ADAMTS17: variants seen among roughly 807,000 people sequenced by gnomAD.
ADAMTS17 encodes the protein A disintegrin and metalloproteinase with thrombospondin motifs 17.
Under a neutral mutation model 141.5 loss-of-function variants are expected in ADAMTS17, and 113 were observed. The observed-to-expected ratio is 0.80, with a 90% CI of 0.69 to 0.93. The LOEUF is 0.93. Among genes scored for constraint, ADAMTS17 ranks in the 40% least tolerant of loss-of-function variants. The pLI is 0.00. For missense variants in ADAMTS17, 1,659 were observed against 1,517.9 expected (o/e 1.09, Z -1.54); for synonymous variants, 768 against 630.6 (o/e 1.22, Z -3.27).
intron 7 of ADAMTS17, among the ~76,000 whole-genome samples, chr15:100,223,157 A>T (rs2042187080): frequency 6.6e-6 from 1 of 152,174 alleles, no homozygotes; most frequent in South Asian, 2.1e-4. Context: ...GCATCAGGGG[A>T]GGGAGACAAA....
chr15:100,125,063 G>C (rs1319273451), intron 12 of ADAMTS17, among the ~76,000 whole-genome samples: 1 of 152,220 alleles, frequency 6.6e-6, no homozygotes, highest in African/African-American at 2.4e-5. Context: ...AGTCACAACA[G>C]CAGTTCGGAC....
At chr15:100,231,015 T>C (rs1319204141) in intron 7 of ADAMTS17, among the ~76,000 whole-genome samples, 3 of 152,176 alleles carry the variant, frequency 2.0e-5, no homozygotes, top group African/African-American at 7.2e-5. Context: ...GAGAACTCTG[T>C]TGGCACCAAA....
intron 10 of ADAMTS17, among the ~76,000 whole-genome samples, chr15:100,140,286 G>A (rs1336065943): frequency 6.6e-6 from 1 of 152,154 alleles, no homozygotes; most frequent in Non-Finnish European, 1.5e-5. Flanking sequence ...ATGAGCCACT[G>A]TGCCTGGCCG....
At chr15:100,234,659 A>T (rs34948511) in intron 7 of ADAMTS17, among the ~76,000 whole-genome samples, 21,161 of 152,152 alleles carry the variant, frequency 0.14, 1,569 homozygotes, top group African/African-American at 0.16. Flanking sequence ...ATCTCAAAAC[A>T]TATGTTTACC....
intron 13 of ADAMTS17, 52 bp downstream of exon 13, chr15:100,116,795 T>C: frequency 6.2e-7 from 1 of 1,613,020 alleles, no homozygotes; most frequent in Non-Finnish European, 8.5e-7. Context: ...GTTTTTATAT[T>C]CTTAGGGGAG....
intron 7 of ADAMTS17, among the ~76,000 whole-genome samples, chr15:100,230,670 C>T (rs2042452409): frequency 6.6e-6 from 1 of 152,200 alleles, no homozygotes; most frequent in African/African-American, 2.4e-5. Context: ...CGGGTTTGAT[C>T]ACTCAGCAAA....
intron 3 of ADAMTS17, among the ~76,000 whole-genome samples, chr15:100,293,798 T>C (rs1417264306): frequency 6.6e-6 from 1 of 152,226 alleles, no homozygotes; most frequent in East Asian, 1.9e-4. Flanking sequence ...TGGTTTACAG[T>C]AGTAATTCAA....
intron 6 of ADAMTS17, among the ~76,000 whole-genome samples, chr15:100,255,720 C>T (rs1022435589): frequency 5.3e-5 from 8 of 151,820 alleles, no homozygotes; most frequent in Non-Finnish European, 1.2e-4. Context: ...ATCATCTAAG[C>T]TGGGCAAAGG....
In ADAMTS17 at chr15:99,997,309, C is replaced by A; in HGVS notation, c.2796+76G>T. The A allele has an allele frequency of 1.9e-6, 3 of 1,557,482 alleles. No individual in the cohort carries two copies. Among genetic ancestry groups the A allele is most frequent in the Non-Finnish European group, 2.6e-6 (3 of 1,132,512 alleles). On this transcript the variant is annotated intron_variant, in intron 19 of 21. Coordinates refer to ENST00000268070, the MANE Select transcript of ADAMTS17 (RefSeq NM_139057.4). The surrounding 1 kb of genome is among the most constrained non-coding windows in gnomAD (Gnocchi z 4.7). ...GGGGGCGAGCGAGGGCTGGGAGGCA[C>A]CAGAATGTCACCAATACCATGGCAC... is the stretch of plus-strand genomic sequence containing the variant.
intron 7 of ADAMTS17, among the ~76,000 whole-genome samples, chr15:100,201,544 C>T (rs770183161): frequency 5.3e-5 from 8 of 152,338 alleles, no homozygotes; most frequent in East Asian, 1.9e-4. Flanking sequence ...CTCCAAAAGG[C>T]GCAGAGGAAG....
chr15:99,976,390 C>T (rs768665362), intron 20 of ADAMTS17, 168 bp from the exon 21 acceptor site: 15 of 880,190 alleles, frequency 1.7e-5, no homozygotes, highest in African/African-American at 3.3e-5. Context: ...ACAGGACAGC[C>T]TGAGTGGGGC....
intron 8 of ADAMTS17, among the ~76,000 whole-genome samples, chr15:100,179,897 T>C (rs2040466854): frequency 1.3e-5 from 2 of 152,240 alleles, no homozygotes; most frequent in South Asian, 4.1e-4. Flanking sequence ...CTAAGAGTTG[T>C]TTGAGCTCCT....
At chr15:100,253,902 G>A (rs1055935241) in intron 7 of ADAMTS17, among the ~76,000 whole-genome samples, 3 of 152,004 alleles carry the variant, frequency 2.0e-5, no homozygotes, top group Admixed American at 6.6e-5. Context: ...TCCCCTTGGT[G>A]TCACTCTTCA....
intron 15 of ADAMTS17, among the ~76,000 whole-genome samples, chr15:100,092,093 C>G (rs747270775): frequency 6.6e-6 from 1 of 152,144 alleles, no homozygotes; most frequent in Non-Finnish European, 1.5e-5. Context: ...AAGGTGCCAG[C>G]GAAGGCTAAA....
chr15:100,095,697 T>C (rs2141015016), intron 15 of ADAMTS17, among the ~76,000 whole-genome samples: 1 of 152,250 alleles, frequency 6.6e-6, no homozygotes, highest in South Asian at 2.1e-4. Flanking sequence ...TTCTTAAACA[T>C]TGTCCTCCAG....
Position 100,331,001 on chromosome 15 carries a change from G to A in ADAMTS17, c.504C>T (p.Asn168=). The A allele has an allele frequency of 1.2e-6, 2 of 1,614,166 alleles. No homozygotes were observed. The highest frequency in any genetic ancestry group is 2.2e-5 in the South Asian group (2 of 91,076). ...CTCGTCCACTGAATGGGCCCTGGGAGTTGTTGAGGGGCTGGATTAGCACCT... is the reference window on the plus strand; with the variant it reads ...CTCGTCCACTGAATGGGCCCTGGGAATTGTTGAGGGGCTGGATTAGCACCT... ...QEQVLIQPLN[N]SQGPFSGREH... is the part of the protein sequence containing the mutation. The change falls in exon 3 of 22, where the codon AAC becomes AAT. Residue 168 remains asparagine, a synonymous_variant. Coordinates refer to ENST00000268070, the MANE Select transcript of ADAMTS17 (RefSeq NM_139057.4).
At chr15:100,110,476 G>C (rs1177812707) in intron 13 of ADAMTS17, among the ~76,000 whole-genome samples, 2 of 151,782 alleles carry the variant, frequency 1.3e-5, no homozygotes, top group Non-Finnish European at 2.9e-5. Flanking sequence ...GTGTTAGCCA[G>C]GGTGGTCTCG....
At chr15:100,012,210 T>TCATGC (rs2061199608) in intron 18 of ADAMTS17, among the ~76,000 whole-genome samples, 1 of 152,250 alleles carries the variant, frequency 6.6e-6, no homozygotes, top group African/African-American at 2.4e-5. Flanking sequence ...AACTGTCTAT[T>TCATGC]CATGTCCTTT....
At chr15:100,160,472 T>C (rs924561534) in intron 8 of ADAMTS17, among the ~76,000 whole-genome samples, 9 of 152,202 alleles carry the variant, frequency 5.9e-5, no homozygotes, top group African/African-American at 1.4e-4. Flanking sequence ...GAAAATTTCA[T>C]GAGCTTTCTC....
Sources: gnomAD v4.1 joint callset for allele counts (sites outside exome capture counted in the v4.1 genomes callset) on GRCh38, gnomAD v4.1.1 for gene constraint, Gnocchi (gnomAD v3.1) non-coding constraint, MANE v1.5 for transcripts, NCBI Gene and HGNC (gene_info 2026-07-23, HGNC 2026-07-21) for gene names.